The following ATP8B4 variants were observed in gnomAD, a reference collection of about 807,000 sequenced individuals.
The protein encoded by ATP8B4 is ATPase phospholipid transporting 8B4 (putative), also known as probable phospholipid-transporting ATPase IM.
ATP8B4 carries 133 observed loss-of-function variants against 145.6 expected under a neutral mutation model. That is an observed-to-expected ratio of 0.91 (90% CI 0.79 to 1.05). ATP8B4 has a LOEUF of 1.05. ATP8B4 is among the 50% of genes least tolerant of loss of function. The pLI, the probability that ATP8B4 is intolerant of heterozygous loss-of-function variation, is 0.00. For missense variants in ATP8B4, 1,458 were observed against 1,425.2 expected (o/e 1.02, Z -0.37); for synonymous variants, 507 against 492.9 (o/e 1.03, Z -0.38).
At chr15:49,991,506 T>G (rs1254076283) in intron 9 of ATP8B4, among the ~76,000 whole-genome samples, 2 of 152,210 alleles carry the variant, frequency 1.3e-5, no homozygotes, top group Admixed American at 1.3e-4. Flanking sequence ...TACTTGTTTA[T>G]AAAAGCTTTT....
chr15:49,949,715 A>T (rs773178706), intron 14 of ATP8B4, among the ~76,000 whole-genome samples: 1 of 151,980 alleles, frequency 6.6e-6, no homozygotes, highest in Non-Finnish European at 1.5e-5. Context: ...GTTGAATGGG[A>T]ATGGTGAGAG....
intron 13 of ATP8B4, among the ~76,000 whole-genome samples, chr15:49,966,417 C>T (rs181526504): frequency 4.5e-4 from 68 of 152,308 alleles, no homozygotes; most frequent in Admixed American, 3.1e-3. Context: ...TGACCTGGGA[C>T]GCTCGAACTT....
intron 20 of ATP8B4, among the ~76,000 whole-genome samples, chr15:49,903,465 T>G (rs542645998): frequency 2.0e-5 from 3 of 152,324 alleles, no homozygotes; most frequent in Admixed American, 2.0e-4. Context: ...CACAGCCCCA[T>G]GTCACTACAA....
intron 14 of ATP8B4, among the ~76,000 whole-genome samples, chr15:49,941,346 C>G (rs1266262680): frequency 6.6e-6 from 1 of 152,070 alleles, no homozygotes; most frequent in Non-Finnish European, 1.5e-5. Context: ...ATAAAAATTT[C>G]CAGGAAACAT....
intron 14 of ATP8B4, among the ~76,000 whole-genome samples, chr15:49,956,096 A>T (rs2043534528): frequency 6.6e-6 from 1 of 152,216 alleles, no homozygotes; most frequent in African/African-American, 2.4e-5. Flanking sequence ...CTATTAAGGG[A>T]TTACTGACTT....
At chr15:49,947,291 C>T (rs539165805) in intron 14 of ATP8B4, among the ~76,000 whole-genome samples, 13 of 151,948 alleles carry the variant, frequency 8.6e-5, no homozygotes, top group African/African-American at 2.2e-4. Flanking sequence ...ATTAGCCGGG[C>T]GTGGTGACAC....
intron 2 of ATP8B4, among the ~76,000 whole-genome samples, chr15:50,098,639 C>G (rs1189798409): frequency 6.6e-6 from 1 of 152,020 alleles, no homozygotes; most frequent in Non-Finnish European, 1.5e-5. Flanking sequence ...ACTACTCCCA[C>G]TAAAAGCATA....
intron 1 of ATP8B4, among the ~76,000 whole-genome samples, chr15:50,151,705 G>C (rs1040413958): frequency 7.7e-6 from 1 of 129,556 alleles, no homozygotes; most frequent in East Asian, 2.5e-4. Flanking sequence ...AGCTGAGATT[G>C]TCTCCAGCCT....
At chr15:50,115,395 G>A (rs1214960788) in intron 1 of ATP8B4, among the ~76,000 whole-genome samples, 1 of 151,970 alleles carries the variant, frequency 6.6e-6, no homozygotes, top group African/African-American at 2.4e-5. Context: ...TATGGTAGAA[G>A]GAGGGATGGA....
intron 1 of ATP8B4, among the ~76,000 whole-genome samples, chr15:50,177,247 AC>A (rs1324685793): frequency 6.6e-6 from 1 of 152,234 alleles, no homozygotes; most frequent in Non-Finnish European, 1.5e-5. Flanking sequence ...CTCAAATTCT[AC>A]AAAATTAACA....
At chr15:50,058,966 A>G (rs2052809745) in intron 3 of ATP8B4, among the ~76,000 whole-genome samples, 1 of 152,138 alleles carries the variant, frequency 6.6e-6, no homozygotes, top group South Asian at 2.1e-4. Context: ...CAGGGAAAAA[A>G]AAAAGAGTTT....
intron 3 of ATP8B4, among the ~76,000 whole-genome samples, chr15:50,073,482 T>C (rs143779898): frequency 1.3e-4 from 20 of 152,352 alleles, no homozygotes; most frequent in African/African-American, 1.9e-4. Flanking sequence ...ATCCAGTCTA[T>C]GCCCAAATCA....
chr15:50,067,541 T>C (rs1201852898), intron 3 of ATP8B4, among the ~76,000 whole-genome samples: 1 of 152,216 alleles, frequency 6.6e-6, no homozygotes, highest in Non-Finnish European at 1.5e-5. Flanking sequence ...TGAGCTCTCC[T>C]TTCCCTAGCA....
intron 6 of ATP8B4, among the ~76,000 whole-genome samples, chr15:50,022,237 T>C (rs552101555): frequency 1.6e-4 from 25 of 152,308 alleles, no homozygotes; most frequent in African/African-American, 5.5e-4. Context: ...ACATTTTTAG[T>C]TGATAAATTT....
chr15:50,105,372 T>C (rs2056623278), intron 2 of ATP8B4, among the ~76,000 whole-genome samples: 1 of 151,978 alleles, frequency 6.6e-6, no homozygotes, highest in African/African-American at 2.4e-5. Flanking sequence ...AATAATTGTA[T>C]AATTAAGGTG....
chr15:50,103,200 T>A (rs1223334432), intron 2 of ATP8B4, among the ~76,000 whole-genome samples: 1 of 151,904 alleles, frequency 6.6e-6, no homozygotes, highest in Non-Finnish European at 1.5e-5. Context: ...AGGATGCCCA[T>A]TTTCACCACT....
At chr15:50,012,165 A>G (rs2048762164) in intron 6 of ATP8B4, among the ~76,000 whole-genome samples, 1 of 152,204 alleles carries the variant, frequency 6.6e-6, no homozygotes, top group South Asian at 2.1e-4. Flanking sequence ...GAACCTAGGA[A>G]GCCTTCTAAA....
chr15:49,900,371 C>T (rs2037885819), intron 21 of ATP8B4, among the ~76,000 whole-genome samples: 2 of 152,156 alleles, frequency 1.3e-5, no homozygotes, highest in Admixed American at 1.3e-4. Flanking sequence ...TGTCCAAACC[C>T]TAAAGTGAAA....
chr15:49,952,539 C>T (rs2043195870), intron 14 of ATP8B4, among the ~76,000 whole-genome samples: 1 of 152,164 alleles, frequency 6.6e-6, no homozygotes, highest in Non-Finnish European at 1.5e-5. Flanking sequence ...TGTTTTTCAG[C>T]TCCATCAGGT....
Sources: allele counts gnomAD v4.1 joint callset (sites outside exome capture counted in the v4.1 genomes callset), GRCh38; gene constraint gnomAD v4.1.1; transcripts MANE v1.5; gene names NCBI Gene and HGNC (gene_info 2026-07-23, HGNC 2026-07-21).